Variants in GCAT observed in about 807,000 individuals in gnomAD.
GCAT encodes the protein 2-amino-3-ketobutyrate coenzyme A ligase, mitochondrial.
A neutral mutation model predicts 39.7 loss-of-function variants in GCAT; 26 were observed. That is an observed-to-expected ratio of 0.65 (90% CI 0.48 to 0.91). GCAT has a LOEUF of 0.91. Ranked by LOEUF, GCAT falls within the 40% of genes least tolerant of loss-of-function variation. The probability of loss-of-function intolerance (pLI) is 0.00; values close to 1 mark genes in which losing one functional copy is unlikely to be tolerated. For missense variants in GCAT, 550 were observed against 576.2 expected, an observed-to-expected ratio of 0.95 and a Z score of 0.47; for synonymous variants, 218 against 237.2, an observed-to-expected ratio of 0.92 and a Z score of 0.74.
chr22:37,810,611 GTTCACGC>G (rs1215952986), intron 2 of GCAT, among the ~76,000 whole-genome samples: 1 of 150,736 alleles, frequency 6.6e-6, no homozygotes. Context: ...CGCCTCCCAG[GTTCACGC>G]CATTCTCCTG....
intron 1 of GCAT, 50 bp downstream of exon 1, chr22:37,808,213 T>G: frequency 7.2e-7 from 1 of 1,382,184 alleles, no homozygotes; most frequent in South Asian, 1.5e-5. Flanking sequence ...GAGCTTGCGC[T>G]GGAATGGAGG....
rs545534051 is a variant in GCAT at position 37,809,212 on chromosome 22, A to G, written c.197-815A>G. 1.1e-3 allele frequency among the ~76,000 whole-genome samples: 166 copies of G among 152,328 alleles called. 1 individual carries two copies. The highest frequency in any genetic ancestry group is 3.8e-3 in the African/African-American group (157 of 41,576). On this transcript the variant is annotated intron_variant, in intron 1 of 8. Coordinates refer to ENST00000248924, the MANE Select transcript of GCAT (RefSeq NM_014291.4). ...AAAAGATGGGAAATTAGGAGACCCA[A>G]GTTCTCATCCTGTTTTTGCCTTTCC...
chr22:37,811,480 C>CAAAAAAAAA (rs59876225), intron 2 of GCAT, among the ~76,000 whole-genome samples: 1 of 46,868 alleles, frequency 2.1e-5, no homozygotes, highest in African/African-American at 9.8e-5. Flanking sequence ...GACTCTGTCT[C>CAAAAAAAAA]AAAAAAAAAA....
At chr22:37,810,349 T>G (rs1047992892) in intron 2 of GCAT, among the ~76,000 whole-genome samples, 192 bp downstream of exon 2, 1 of 151,994 alleles carries the variant, frequency 6.6e-6, no homozygotes, top group Non-Finnish European at 1.5e-5. Context: ...ACTTTATATA[T>G]ATATTTTTTC....
At chr22:37,817,135 A>G, downstream of GCAT, 1 of 173,080 alleles carries the variant, frequency 5.8e-6, no homozygotes, top group Non-Finnish European at 1.3e-5. Flanking sequence ...GACCAGCCTG[A>G]CCAACATGGA....
intron 1 of GCAT, 115 bp downstream of exon 1, chr22:37,808,278 A>G (rs1359307613): frequency 2.5e-6 from 2 of 800,148 alleles, no homozygotes; most frequent in East Asian, 3.3e-5. Context: ...TCCCCTTCGC[A>G]TCTCTCAGGG....
Position 37,812,760 on chromosome 22 carries a change from A to G in GCAT, c.328-127A>G. On this transcript the variant is annotated intron_variant, in intron 2 of 8. Transcript: ENST00000248924. ...CTCTGGGATAGCCCATGTGTGGCAG[A>G]AAGTAAGGAGACTGAGGCTGCAGGC... 5.8e-6 allele frequency: 4 copies of G among 685,542 alleles called. No individual in the cohort carries two copies. In the Admixed American group the frequency reaches 8.7e-5, roughly 15 times the overall value. The allele number at this position is 685,542 out of a possible 1,614,324, so 42.5% of individuals were successfully genotyped here. A position where few individuals can be genotyped will look rare whatever the true frequency, so the allele number is the denominator to read the frequency against.
intron 7 of GCAT, 94 bp downstream of exon 7, chr22:37,815,928 A>G: frequency 1.4e-6 from 2 of 1,452,808 alleles, no homozygotes; most frequent in Non-Finnish European, 9.5e-7. Flanking sequence ...CTCTGTGCCC[A>G]CCGGGTCTGC....
chr22:37,812,654 G>A (rs1205079792), intron 2 of GCAT, among the ~76,000 whole-genome samples: 1 of 152,196 alleles, frequency 6.6e-6, no homozygotes, highest in East Asian at 1.9e-4. Context: ...GACTGCCACT[G>A]TAAAACCAAA....
rs148188156 is a variant in GCAT at position 37,810,137 on chromosome 22, C to G, written c.307C>G (p.Arg103Gly). Residue 103 changes from arginine (R) to glycine (G), a missense_variant, in exon 2 of 9, where the codon CGC becomes GGC. Around this residue, in one of 3 missense-constraint regions of GCAT, gnomAD observed 154 missense variants for 141.9 expected, o/e 1.08. Coordinates refer to ENST00000248924, the MANE Select transcript of GCAT (RefSeq NM_014291.4). ...GTTTGGAGCTGGCCTCAGCTCTGTC[C>G]GCTTTATCTGTGGAACCCAGGTACA... is the stretch of plus-strand genomic sequence containing the variant. ...EEFGAGLSSV[R>G]FICGTQSIHK... is the part of the protein sequence containing the mutation. 1.1e-3 allele frequency: 1,825 copies of G among 1,613,392 alleles called. 4 individuals carry two copies. Among genetic ancestry groups the G allele is most frequent in the Non-Finnish European group, 1.5e-3 (1,763 of 1,179,290 alleles).
In GCAT at chr22:37,816,559, C is replaced by T. The variant is rs1922220545; in HGVS notation, c.1109-8C>T. The stretch of plus-strand genomic sequence containing the variant: ...GTTCTGGCACGCCCTTGCTTTCTAC[C>T]CTCCCAGGCATCTTTGTCATCGGGT... On this transcript the variant is annotated splice_polypyrimidine_tract_variant and splice_region_variant and intron_variant, in intron 8 of 8. Coordinates refer to ENST00000248924, the MANE Select transcript of GCAT (RefSeq NM_014291.4). 6.2e-7 allele frequency: 1 copy of T among 1,613,978 alleles called. No homozygotes were observed. The highest frequency in any genetic ancestry group is 8.5e-7 in the Non-Finnish European group (1 of 1,179,968).
chr22:37,817,037 C>T (rs1314569524), downstream of GCAT: 3 of 262,810 alleles, frequency 1.1e-5, no homozygotes, highest in African/African-American at 6.5e-5. Context: ...TAAGATGGGA[C>T]CCAGTGGCCG....
chr22:37,815,143 G>T lies in GCAT; in HGVS notation c.594G>T (p.Leu198=). 1 of 1,613,952 alleles carries T rather than the reference G, an allele frequency of 6.2e-7. No individual in the cohort carries two copies. Among genetic ancestry groups the T allele is most frequent in the Non-Finnish European group, 8.5e-7 (1 of 1,180,006 alleles). Residue 198 remains leucine (L), a synonymous_variant, in exon 5 of 9, where the codon CTG becomes CTT. Transcript: ENST00000248924. ...LQEAQKHRLR[L]VATDGAFSMD... is the part of the protein sequence containing the mutation. ...TCCTGCAGAAGCATCGGCTGCGCCT[G>T]GTGGCCACTGATGGGGCCTTTTCCA...
chr22:37,813,722 T>A, intron 4 of GCAT, 113 bp downstream of exon 4: 1 of 993,702 alleles, frequency 1.0e-6, no homozygotes, highest in Non-Finnish European at 1.4e-6. Flanking sequence ...CAGCAGAGAT[T>A]TGTCCAAGAT....
chr22:37,815,857 C>T (rs777653235), intron 7 of GCAT, 23 bp downstream of exon 7: 1 of 1,612,168 alleles, frequency 6.2e-7, no homozygotes, highest in Admixed American at 1.7e-5. Flanking sequence ...GCAGGGCAGG[C>T]TCGGGGGCGG....
In GCAT at chr22:37,813,519, C is replaced by G. The variant is rs1220326016; in HGVS notation, c.486C>G (p.Ile162Met). 3.7e-6 allele frequency: 6 copies of G among 1,612,560 alleles called. No individual in the cohort carries two copies. The highest frequency in any genetic ancestry group is 5.1e-6 in the Non-Finnish European group (6 of 1,179,570). ...CGGACGAGCTGAACCATGCCTCCAT[C>G]ATCGACGGCATCCGGCTGTGCAAGG... ...VLSDELNHAS[I>M]IDGIRLCKAH... Residue 162 changes from isoleucine to methionine, a missense_variant, in exon 4 of 9, where the codon ATC (isoleucine) becomes ATG (methionine). Physicochemically the swap from Ile to Met is conservative, Grantham distance 10. Transcript: ENST00000248924.
chr22:37,814,389 GAGTAGCTGGGATTAC>G (rs1921933584), intron 4 of GCAT, among the ~76,000 whole-genome samples: 1 of 152,020 alleles, frequency 6.6e-6, no homozygotes, highest in Non-Finnish European at 1.5e-5. Flanking sequence ...TCAGCCTCTG[GAGTAGCTGGGATTAC>G]AGGCACACAC....
In GCAT at chr22:37,810,264, A is replaced by G. The variant is rs539736531; in HGVS notation, c.327+107A>G. 361 of 814,588 alleles carry G rather than the reference A, an allele frequency of 4.4e-4. 7 individuals carry two copies. The South Asian group carries it at 5.3e-3, about 12-fold the overall frequency. 50.5% of individuals were successfully genotyped at this position (814,588 alleles called of 1,614,324 possible). ...TCAGCTCAGCCACAGCCCTGGGCCT[A>G]CTGTTGGCCTCAGAGCTGTGCAGCA... On this transcript the variant is annotated intron_variant, in intron 2 of 8. Transcript: ENST00000248924.
intron 2 of GCAT, among the ~76,000 whole-genome samples, chr22:37,810,525 T>TC (rs1921464361): frequency 1.4e-5 from 2 of 146,818 alleles, no homozygotes; most frequent in South Asian, 4.5e-4. Context: ...TTTTTTTTTT[T>TC]TTTTTTTTTG....
Sources: allele counts gnomAD v4.1 joint callset (sites outside exome capture counted in the v4.1 genomes callset), GRCh38; gene constraint gnomAD v4.1.1; regional missense constraint gnomAD v4.1.1; transcripts MANE v1.5; gene names NCBI Gene and HGNC (gene_info 2026-07-23, HGNC 2026-07-21).